UBE3B: variants seen among roughly 807,000 people sequenced by gnomAD.
UBE3B encodes ubiquitin protein ligase E3B, also known as ubiquitin-protein ligase E3B.
Under a neutral mutation model 132.3 loss-of-function variants are expected in UBE3B, and 80 were observed. The observed-to-expected ratio is 0.60, with a 90% CI of 0.50 to 0.73. The LOEUF (loss-of-function observed/expected upper bound fraction) is 0.73. Among genes scored for constraint, UBE3B ranks in the 30% least tolerant of loss-of-function variants. UBE3B has a pLI of 0.00. For synonymous variants in UBE3B, 487 were observed against 520.4 expected, an observed-to-expected ratio of 0.94 and a Z score of 0.87; for missense variants, 1,196 against 1,362.5, an observed-to-expected ratio of 0.88 and a Z score of 1.92.
intron 24 of UBE3B, chr12:109,528,576 G>A: frequency 1.1e-6 from 1 of 871,360 alleles, no homozygotes; most frequent in Non-Finnish European, 1.4e-6. Flanking sequence ...ATGCAAGGCT[G>A]GGTGCGTTGG....
chr12:109,489,738 G>A (rs571305885), intron 7 of UBE3B, among the ~76,000 whole-genome samples, 181 bp from the exon 8 acceptor site: 3 of 152,214 alleles, frequency 2.0e-5, no homozygotes, highest in African/African-American at 7.2e-5. Context: ...CCAGGAGAGA[G>A]AGAGTTCCAG....
At chr12:109,506,542 T>C (rs1879709475) in intron 14 of UBE3B, among the ~76,000 whole-genome samples, 1 of 152,146 alleles carries the variant, frequency 6.6e-6, no homozygotes, top group African/African-American at 2.4e-5. Context: ...AGAGACAGTG[T>C]TTCTCATCAT....
At chr12:109,511,333 G>A (rs760666371) in intron 18 of UBE3B, 30 bp downstream of exon 18, 6 of 1,601,898 alleles carry the variant, frequency 3.7e-6, no homozygotes, top group African/African-American at 2.7e-5. Context: ...GGGCCCCGAT[G>A]TGTCTTTCTA....
At chr12:109,508,719 G>A in intron 15 of UBE3B, 1 of 985,464 alleles carries the variant, frequency 1.0e-6, no homozygotes, top group Non-Finnish European at 1.2e-6. Flanking sequence ...ACTGGATGGG[G>A]GTAAGCCAAG....
intron 26 of UBE3B, among the ~76,000 whole-genome samples, chr12:109,531,965 A>G (rs1882981523): frequency 6.6e-6 from 1 of 152,036 alleles, no homozygotes; most frequent in Middle Eastern, 3.2e-3. Flanking sequence ...GTGCAGCTGC[A>G]TACAGGCCCC....
At chr12:109,488,000 A>T (rs1876808015) in intron 6 of UBE3B, among the ~76,000 whole-genome samples, 1 of 152,192 alleles carries the variant, frequency 6.6e-6, no homozygotes, top group African/African-American at 2.4e-5. Context: ...CAAAATTAGA[A>T]CAGCAGCCAA....
intron 14 of UBE3B, among the ~76,000 whole-genome samples, chr12:109,505,335 C>A (rs61941633): frequency 6.6e-6 from 1 of 152,220 alleles, no homozygotes; most frequent in Non-Finnish European, 1.5e-5. Context: ...CTCTGCCAGG[C>A]CCAGTGTCTC....
intron 12 of UBE3B, among the ~76,000 whole-genome samples, chr12:109,500,576 C>G (rs1048707242): frequency 1.7e-4 from 26 of 152,188 alleles, no homozygotes; most frequent in Non-Finnish European, 3.1e-4. Context: ...AGCGTGACAC[C>G]TCAGCCTGAG....
intron 27 of UBE3B, chr12:109,533,948 G>C (rs1262491732): frequency 1.2e-5 from 16 of 1,311,084 alleles, no homozygotes; most frequent in Non-Finnish European, 1.6e-5. Context: ...ACCCCAGCAG[G>C]CTGTGCACGT....
intron 24 of UBE3B, among the ~76,000 whole-genome samples, chr12:109,529,587 G>T (rs1180359506): frequency 6.6e-6 from 1 of 152,214 alleles, no homozygotes; most frequent in Admixed American, 6.5e-5. Context: ...CTTACGTGGG[G>T]AATGTCTCCT....
At chr12:109,533,598 C>T (rs772531767) in intron 27 of UBE3B, 40 bp downstream of exon 27, 1 of 1,553,846 alleles carries the variant, frequency 6.4e-7, no homozygotes, top group South Asian at 1.1e-5. Flanking sequence ...CTTGACTTCC[C>T]TCTTGGTGGT....
At chr12:109,544,857 G>A in the UBE3B span, among the ~76,000 whole-genome samples, 5 of 152,328 alleles carry the variant, frequency 3.3e-5, no homozygotes, top group South Asian at 2.1e-4. Flanking sequence ...CAGATTTTGC[G>A]AAATAAACTT....
chr12:109,501,443 C>T lies in UBE3B; in HGVS notation c.1191C>T (p.Phe397=). 1 of 1,614,184 alleles carries T rather than the reference C, an allele frequency of 6.2e-7. No homozygotes were observed. Among genetic ancestry groups the T allele is most frequent in the Non-Finnish European group, 8.5e-7 (1 of 1,180,032 alleles). ...FLWGVPLIRI[F]FCDILSKKLL... is the part of the protein sequence containing the mutation. ...GGGGGGTGCCTCTGATCCGGATCTT[C>T]TTCTGTGACATCCTGAGCAAGAAGC... is the stretch of plus-strand genomic sequence containing the variant. The change falls in exon 13 of 28, where the codon TTC becomes TTT. Residue 397 remains phenylalanine (F), a synonymous_variant. Coordinates refer to ENST00000342494, the MANE Select transcript of UBE3B (RefSeq NM_130466.4).
intron 9 of UBE3B, 42 bp from the exon 10 acceptor site, chr12:109,497,776 A>G: frequency 6.3e-7 from 1 of 1,598,172 alleles, no homozygotes; most frequent in African/African-American, 1.3e-5. Flanking sequence ...TTCTGGATGC[A>G]CACGGAGACC....
At position 109,534,100 on chromosome 12, in the gene UBE3B, C is replaced by T. The variant is rs1442867604; in HGVS notation, c.3016-491C>T. On this transcript the variant is annotated intron_variant, in intron 27 of 27. Coordinates refer to ENST00000342494, the MANE Select transcript of UBE3B (RefSeq NM_130466.4). The surrounding 1 kb of genome is among the most constrained non-coding windows in gnomAD (Gnocchi z 5.2). The stretch of plus-strand genomic sequence containing the variant: ...CCCCATAAAAACCCAGTGGCCGCCT[C>T]TGGGTGTAGCTGCCTCTCATGATGC... 8.5e-6 allele frequency: 11 copies of T among 1,294,832 alleles called. No individual in the cohort carries two copies. The highest frequency in any genetic ancestry group is 1.1e-5 in the Non-Finnish European group (11 of 993,250). The allele number at this position is 1,294,832 out of a possible 1,614,324, so 80.2% of individuals were successfully genotyped here. A position where few individuals can be genotyped will look rare whatever the true frequency, so the allele number is the denominator to read the frequency against.
At chr12:109,505,911 T>C (rs1222927773) in intron 14 of UBE3B, among the ~76,000 whole-genome samples, 1 of 152,238 alleles carries the variant, frequency 6.6e-6, no homozygotes, top group Non-Finnish European at 1.5e-5. Flanking sequence ...TAAGGGCTCG[T>C]ATACAAGGTG....
chr12:109,527,024 C>T (rs186012856), intron 24 of UBE3B, among the ~76,000 whole-genome samples: 99 of 152,182 alleles, frequency 6.5e-4, no homozygotes, highest in African/African-American at 2.3e-3. Flanking sequence ...ATTCAGCACA[C>T]TGTCCTGAAC....
intron 13 of UBE3B, among the ~76,000 whole-genome samples, chr12:109,502,692 T>G (rs1472522428): frequency 6.6e-6 from 1 of 152,208 alleles, no homozygotes; most frequent in Non-Finnish European, 1.5e-5. Context: ...CCTTTGCCCC[T>G]CTTTCCCTAA....
chr12:109,547,069 G>T, the UBE3B span, among the ~76,000 whole-genome samples: 1 of 149,000 alleles, frequency 6.7e-6, no homozygotes, highest in East Asian at 2.0e-4. The surrounding 1 kb of genome is among the most constrained non-coding windows in gnomAD (Gnocchi z 4.1). Flanking sequence ...GATAATTTCT[G>T]GTGTGTTGAA....
Sources: allele counts gnomAD v4.1 joint callset (sites outside exome capture counted in the v4.1 genomes callset), GRCh38; gene constraint gnomAD v4.1.1; non-coding constraint Gnocchi (gnomAD v3.1); transcripts MANE v1.5; gene names NCBI Gene and HGNC (gene_info 2026-07-23, HGNC 2026-07-21).